EIF4G3: variants seen among roughly 807,000 people sequenced by gnomAD.
EIF4G3 encodes eIF-4-gamma 3.
EIF4G3 carries 34 observed loss-of-function variants against 186.4 expected under a neutral mutation model. The observed-to-expected ratio is 0.18, with a 90% CI of 0.14 to 0.24. The LOEUF (loss-of-function observed/expected upper bound fraction) is 0.24, where lower values mean the gene tolerates loss of function less well. Among genes scored for constraint, EIF4G3 ranks in the 10% least tolerant of loss-of-function variants. EIF4G3 has a pLI of 1.00. For synonymous variants in EIF4G3, 673 were observed against 679.5 expected (o/e 0.99, Z 0.15); for missense variants, 1,536 against 1,948.5 (o/e 0.79, Z 3.99).
chr1:20,812,859 C>A (rs183174356), intron 35 of EIF4G3, among the ~76,000 whole-genome samples: 1 of 151,986 alleles, frequency 6.6e-6, no homozygotes, highest in Non-Finnish European at 1.5e-5. Context: ...AAGGAGGAGG[C>A]GGCCCTGAAT....
chr1:20,894,970 A>C (rs2087453284), intron 17 of EIF4G3, among the ~76,000 whole-genome samples: 1 of 152,182 alleles, frequency 6.6e-6, no homozygotes. Flanking sequence ...TGATCTGCCA[A>C]ATACCTTCCT....
At chr1:21,130,658 G>C (rs1014031927) in intron 2 of EIF4G3, among the ~76,000 whole-genome samples, 1 of 151,946 alleles carries the variant, frequency 6.6e-6, no homozygotes, top group African/African-American at 2.4e-5. Context: ...AAACTTAGGA[G>C]ACACACATAT....
chr1:21,129,081 G>A (rs573736903), intron 2 of EIF4G3, among the ~76,000 whole-genome samples: 2 of 151,906 alleles, frequency 1.3e-5, no homozygotes, highest in South Asian at 2.1e-4. Context: ...TTGGGAGGCC[G>A]AGGCGGGTGG....
At chr1:20,835,229 T>A (rs1030912290) in intron 30 of EIF4G3, among the ~76,000 whole-genome samples, 3 of 152,100 alleles carry the variant, frequency 2.0e-5, no homozygotes, top group African/African-American at 7.2e-5. Flanking sequence ...GCAGCAAAAG[T>A]GCTCCTAAGA....
At chr1:21,071,813 A>G (rs2095449969) in intron 3 of EIF4G3, among the ~76,000 whole-genome samples, 2 of 152,096 alleles carry the variant, frequency 1.3e-5, no homozygotes, top group African/African-American at 2.4e-5. Flanking sequence ...CTCAAAAAAA[A>G]AAAAAGAGAG....
At chr1:20,894,904 A>G (rs10493003) in intron 17 of EIF4G3, among the ~76,000 whole-genome samples, 1 of 152,312 alleles carries the variant, frequency 6.6e-6, no homozygotes, top group East Asian at 1.9e-4. Flanking sequence ...GGAGGTATCT[A>G]TTAGGGAAAC....
At chr1:20,842,387 G>A (rs2068957534) in intron 29 of EIF4G3, among the ~76,000 whole-genome samples, 1 of 152,014 alleles carries the variant, frequency 6.6e-6, no homozygotes, top group Admixed American at 6.6e-5. Flanking sequence ...TTTCTTTTGA[G>A]ACAGAGTTTC....
At chr1:21,105,428 TA>T (rs1020078314) in intron 2 of EIF4G3, among the ~76,000 whole-genome samples, 121 of 133,940 alleles carry the variant, frequency 9.0e-4, no homozygotes, top group African/African-American at 2.9e-3. Flanking sequence ...AACTCCGTCT[TA>T]AAAAAAAAAG....
intron 3 of EIF4G3, 92 bp from the exon 4 acceptor site, chr1:21,051,086 CT>C (rs1318874010): frequency 1.5e-6 from 1 of 670,086 alleles, no homozygotes; most frequent in Admixed American, 2.3e-5. Context: ...ATTGGATTTC[CT>C]ACCTCACAAC....
chr1:20,983,238 G>C (rs981730916), intron 7 of EIF4G3, among the ~76,000 whole-genome samples: 2 of 152,104 alleles, frequency 1.3e-5, no homozygotes, highest in African/African-American at 2.4e-5. Context: ...AGCCAGAAAG[G>C]TATAGCAGGA....
intron 2 of EIF4G3, among the ~76,000 whole-genome samples, chr1:21,151,412 G>A (rs1328030072): frequency 6.6e-6 from 1 of 151,334 alleles, no homozygotes; most frequent in Non-Finnish European, 1.5e-5. Flanking sequence ...CTAATTTTTT[G>A]TATTTTTAGT....
Position 20,830,564 on chromosome 1 carries a change from C to T in EIF4G3, c.4062-1292G>A, listed in dbSNP as rs1180965064. ...TTCTAGGTTAACCACCTGATCCTGC[C>T]AACTCATGCTCTGTGGGCTAGCAGC... On this transcript the variant is annotated intron_variant, in intron 30 of 36. Coordinates refer to ENST00000602326, the MANE Select transcript of EIF4G3 (RefSeq NM_001391906.1). 2.0e-5 allele frequency among the ~76,000 whole-genome samples: 3 copies of T among 152,168 alleles called. No homozygotes were observed. In the East Asian group the frequency reaches 5.8e-4, roughly 29 times the overall value.
At chr1:20,932,072 G>T (rs1024539279) in intron 14 of EIF4G3, among the ~76,000 whole-genome samples, 1 of 152,126 alleles carries the variant, frequency 6.6e-6, no homozygotes, top group Non-Finnish European at 1.5e-5. Flanking sequence ...AGATCATCTG[G>T]ATAACTTCCT....
intron 7 of EIF4G3, among the ~76,000 whole-genome samples, chr1:20,997,103 C>T (rs941178386): frequency 6.6e-6 from 1 of 151,820 alleles, no homozygotes; most frequent in African/African-American, 2.4e-5. Context: ...ATAATTCTAT[C>T]CAGCAAATGG....
chr1:20,809,850 T>A (rs897052684), intron 36 of EIF4G3, among the ~76,000 whole-genome samples: 44 of 152,380 alleles, frequency 2.9e-4, no homozygotes, highest in Admixed American at 1.7e-3. Context: ...CCATACTCAA[T>A]GGTATGGATA....
chr1:20,857,346 T>G (rs1312579899), intron 25 of EIF4G3, 57 bp downstream of exon 25: 2 of 1,334,310 alleles, frequency 1.5e-6, no homozygotes, highest in Non-Finnish European at 2.2e-6. Context: ...GTGTGTGTGT[T>G]TTAATATCAA....
At chr1:21,142,191 T>C (rs2097352315) in intron 2 of EIF4G3, among the ~76,000 whole-genome samples, 1 of 150,910 alleles carries the variant, frequency 6.6e-6, no homozygotes, top group South Asian at 2.1e-4. Flanking sequence ...GGAAAAAACA[T>C]GTATTAGGAA....
chr1:21,019,889 A>T (rs575356900), intron 4 of EIF4G3, among the ~76,000 whole-genome samples: 10 of 152,162 alleles, frequency 6.6e-5, no homozygotes, highest in Non-Finnish European at 1.3e-4. Flanking sequence ...TCTCAAAACA[A>T]AACAAAACAA....
At position 20,820,102 on chromosome 1, in the gene EIF4G3, C is replaced by T. The variant is rs537472591; in HGVS notation, c.4369-2564G>A. ...CCAAACCATAGCTGCGGACCCAAGC[C>T]TCCTGCTCTTTGGAGCAGGCAGGAG... On this transcript the variant is annotated intron_variant, in intron 33 of 36. Coordinates refer to ENST00000602326, the MANE Select transcript of EIF4G3 (RefSeq NM_001391906.1). Among the ~76,000 whole-genome samples the T allele has an allele frequency of 4.0e-4, 61 of 152,258 alleles. 1 individual carries two copies. Among genetic ancestry groups the T allele is most frequent in the Admixed American group, 3.4e-3 (52 of 15,298 alleles).
Sources: gnomAD v4.1 joint callset for allele counts (sites outside exome capture counted in the v4.1 genomes callset) on GRCh38, gnomAD v4.1.1 for gene constraint, MANE v1.5 for transcripts, NCBI Gene and HGNC (gene_info 2026-07-23, HGNC 2026-07-21) for gene names.